The following PTPRT variants were observed in gnomAD, a reference collection of about 807,000 sequenced individuals.
PTPRT encodes protein tyrosine phosphatase receptor type T, also known as receptor-type tyrosine-protein phosphatase T.
In PTPRT, 56 loss-of-function variants were observed where a neutral mutation model predicts 176.8. That is an observed-to-expected ratio of 0.32 (90% CI 0.26 to 0.40). PTPRT has a LOEUF of 0.40. Ranked by LOEUF, PTPRT falls within the 10% of genes least tolerant of loss-of-function variation. The probability of loss-of-function intolerance (pLI) is 1.00; values close to 1 mark genes in which losing one functional copy is unlikely to be tolerated. For missense variants in PTPRT, 1,540 were observed against 1,908.2 expected, an observed-to-expected ratio of 0.81 and a Z score of 3.60; for synonymous variants, 783 against 739.0, an observed-to-expected ratio of 1.06 and a Z score of -0.96.
intron 2 of PTPRT, among the ~76,000 whole-genome samples, chr20:42,863,841 T>C (rs2078701458): frequency 6.6e-6 from 1 of 152,170 alleles, no homozygotes; most frequent in South Asian, 2.1e-4. Flanking sequence ...ATTGCTACCA[T>C]ATGATGTGAC....
At chr20:42,648,618 G>T (rs1004975363) in intron 7 of PTPRT, among the ~76,000 whole-genome samples, 1 of 152,032 alleles carries the variant, frequency 6.6e-6, no homozygotes, top group Non-Finnish European at 1.5e-5. Flanking sequence ...GCCCCTGCGT[G>T]TCTAGCGCCA....
the PTPRT span, among the ~76,000 whole-genome samples, chr20:42,056,505 ATCT>A: frequency 6.6e-6 from 1 of 152,188 alleles, no homozygotes; most frequent in Admixed American, 6.5e-5. Context: ...TTCACCAAAT[ATCT>A]TCTTTATGCA....
rs533505239 is a variant in PTPRT at position 42,552,433 on chromosome 20, G to C, written c.1154-79871C>G. Among the ~76,000 whole-genome samples the C allele has an allele frequency of 8.5e-5, 13 of 152,180 alleles. No homozygotes were observed. The South Asian group carries it at 2.7e-3, about 32-fold the overall frequency. On this transcript the variant is annotated intron_variant, in intron 7 of 30. Transcript: ENST00000373187. ...TCTTGCCATAATGGGTTAAGTGTGT[G>C]AAAAATATCCAATCTTATCCCAAAA... is the stretch of plus-strand genomic sequence containing the variant.
chr20:42,384,949 A>T (rs2058731152), intron 9 of PTPRT, among the ~76,000 whole-genome samples: 3 of 152,088 alleles, frequency 2.0e-5, no homozygotes. Context: ...TTTTCTTGGT[A>T]TTGACTTATA....
At chr20:42,914,119 A>T (rs1353936335) in intron 1 of PTPRT, among the ~76,000 whole-genome samples, 1 of 152,184 alleles carries the variant, frequency 6.6e-6, no homozygotes, top group Non-Finnish European at 1.5e-5. Context: ...TGTCCTCTAT[A>T]GTCCCTTGAC....
At chr20:43,106,963 T>G (rs910720745) in intron 1 of PTPRT, among the ~76,000 whole-genome samples, 1 of 151,976 alleles carries the variant, frequency 6.6e-6, no homozygotes, top group Non-Finnish European at 1.5e-5. Flanking sequence ...GCTAATTTTG[T>G]ATTTTTAGTA....
At chr20:42,436,453 T>A (rs779282433) in intron 9 of PTPRT, among the ~76,000 whole-genome samples, 3 of 152,136 alleles carry the variant, frequency 2.0e-5, no homozygotes, top group Non-Finnish European at 2.9e-5. Flanking sequence ...TTCTACCTCA[T>A]TAATAATAGA....
intron 7 of PTPRT, among the ~76,000 whole-genome samples, chr20:42,615,722 G>A (rs2074061726): frequency 8.1e-6 from 1 of 122,882 alleles, no homozygotes; most frequent in Non-Finnish European, 1.6e-5. Flanking sequence ...TTTTTTGGCT[G>A]CATAAATGTC....
At chr20:42,286,076 G>T (rs920871979) in intron 12 of PTPRT, among the ~76,000 whole-genome samples, 4 of 151,886 alleles carry the variant, frequency 2.6e-5, no homozygotes, top group African/African-American at 9.7e-5. Flanking sequence ...ACTGTTGAAA[G>T]AAATTGAAGG....
At chr20:42,870,221 C>A (rs1258730919) in intron 2 of PTPRT, among the ~76,000 whole-genome samples, 1 of 152,134 alleles carries the variant, frequency 6.6e-6, no homozygotes, top group Non-Finnish European at 1.5e-5. Flanking sequence ...GTAAGTTTGA[C>A]TGCTCTAGAT....
intron 17 of PTPRT, among the ~76,000 whole-genome samples, chr20:42,153,224 A>C (rs2146467092): frequency 6.6e-6 from 1 of 152,234 alleles, no homozygotes; most frequent in African/African-American, 2.4e-5. Flanking sequence ...TTATCTTTCT[A>C]TCTCCAGTGC....
Position 42,597,812 on chromosome 20 carries a change from G to C in PTPRT, c.1153+80054C>G, listed in dbSNP as rs569812061. Among the ~76,000 whole-genome samples, 18 of 152,270 alleles carry C rather than the reference G, an allele frequency of 1.2e-4. No homozygotes were observed. The South Asian group carries it at 3.7e-3, about 32-fold the overall frequency. Reference sequence around the variant, plus strand: ...AGAACAGAGTAATGCATATGGGTTAGAAGCAAGTCACAAGTTCCACCCATG... The same window carrying C: ...AGAACAGAGTAATGCATATGGGTTACAAGCAAGTCACAAGTTCCACCCATG... On this transcript the variant is annotated intron_variant, in intron 7 of 30. Coordinates refer to ENST00000373187, the MANE Select transcript of PTPRT (RefSeq NM_007050.6).
intron 9 of PTPRT, among the ~76,000 whole-genome samples, chr20:42,422,932 G>A (rs2059132129): frequency 1.3e-5 from 2 of 152,054 alleles, no homozygotes; most frequent in Non-Finnish European, 2.9e-5. Flanking sequence ...TCCTTAGCAA[G>A]CTAACACAGA....
At chr20:42,348,699 AAG>A (rs2058233030) in intron 11 of PTPRT, among the ~76,000 whole-genome samples, 1 of 152,156 alleles carries the variant, frequency 6.6e-6, no homozygotes, top group Non-Finnish European at 1.5e-5. Context: ...AGGCTCCTGT[AAG>A]TTGCAGACCC....
chr20:42,278,480 C>T (rs1248684231), intron 13 of PTPRT, among the ~76,000 whole-genome samples: 3 of 151,616 alleles, frequency 2.0e-5, no homozygotes, highest in African/African-American at 4.8e-5. Flanking sequence ...ATCACGCAGG[C>T]AAGACTGGTG....
chr20:42,418,615 A>G (rs921518787), intron 9 of PTPRT, among the ~76,000 whole-genome samples: 1 of 152,222 alleles, frequency 6.6e-6, no homozygotes, highest in Non-Finnish European at 1.5e-5. Context: ...TGCACTCAAA[A>G]TCAATGTCCA....
intron 2 of PTPRT, among the ~76,000 whole-genome samples, chr20:42,852,970 C>A (rs1358126661): frequency 2.0e-5 from 3 of 152,110 alleles, no homozygotes; most frequent in African/African-American, 7.2e-5. Context: ...TGGAGCTGCC[C>A]AGCAAAGATG....
At chr20:42,830,092 T>C (rs2078059530) in intron 2 of PTPRT, among the ~76,000 whole-genome samples, 1 of 152,162 alleles carries the variant, frequency 6.6e-6, no homozygotes, top group Non-Finnish European at 1.5e-5. Context: ...CCCCAACTCA[T>C]TCCATGAGGC....
At chr20:42,760,695 A>G (rs888874940) in intron 5 of PTPRT, among the ~76,000 whole-genome samples, 3 of 152,132 alleles carry the variant, frequency 2.0e-5, no homozygotes, top group African/African-American at 7.2e-5. Flanking sequence ...TCCCTGTCAA[A>G]GTTCTTCTCA....
Sources: gnomAD v4.1 joint callset for allele counts (sites outside exome capture counted in the v4.1 genomes callset) on GRCh38, gnomAD v4.1.1 for gene constraint, MANE v1.5 for transcripts, NCBI Gene and HGNC (gene_info 2026-07-23, HGNC 2026-07-21) for gene names.